CNTN5: variants seen among roughly 807,000 people sequenced by gnomAD.
The protein encoded by CNTN5 is contactin 5, also known as contactin-5.
Under a neutral mutation model 129.1 loss-of-function variants are expected in CNTN5, and 77 were observed. The ratio of observed to expected loss-of-function variants is 0.60; its 90% CI spans 0.50 to 0.72. CNTN5 has a LOEUF of 0.72. Ranked by LOEUF, CNTN5 falls within the 30% of genes least tolerant of loss-of-function variation. The pLI is 0.00. For synonymous variants in CNTN5, 509 were observed against 465.6 expected (o/e 1.09, Z -1.20); for missense variants, 1,478 against 1,328.8 (o/e 1.11, Z -1.75).
chr11:100,082,935 T>A (rs751716196), intron 13 of CNTN5, among the ~76,000 whole-genome samples: 14 of 152,020 alleles, frequency 9.2e-5, no homozygotes, highest in Non-Finnish European at 1.5e-4. Flanking sequence ...TGCCAGCATC[T>A]CCTTCAAGTG....
intron 9 of CNTN5, among the ~76,000 whole-genome samples, chr11:100,028,343 CTA>C (rs766205933): frequency 1.6e-3 from 238 of 152,266 alleles, no homozygotes; most frequent in Middle Eastern, 3.4e-3. Flanking sequence ...TCTGCCACCT[CTA>C]TGACACCAAA....
intron 2 of CNTN5, among the ~76,000 whole-genome samples, chr11:99,342,684 T>C (rs950203640): frequency 6.8e-6 from 1 of 148,104 alleles, no homozygotes; most frequent in African/African-American, 2.5e-5. Context: ...GTTGTGGTGA[T>C]AGTACCACTG....
chr11:99,194,866 A>C (rs1043051895), intron 1 of CNTN5, among the ~76,000 whole-genome samples: 2 of 152,118 alleles, frequency 1.3e-5, no homozygotes, highest in African/African-American at 4.8e-5. Context: ...TGTCCTCCTA[A>C]AATGCTAGGA....
chr11:100,327,332 C>T (rs1426768575), intron 21 of CNTN5, among the ~76,000 whole-genome samples: 2 of 152,202 alleles, frequency 1.3e-5, no homozygotes, highest in Non-Finnish European at 2.9e-5. Context: ...ACGGATCACC[C>T]TCCACATCTG....
rs80258282 is a variant in CNTN5, at chr11:100,341,389, T to C, written c.3030+184T>C. ...GAAGCCAAGGCAGTCAAAATTAGTTTCAACTGCACAAGGCACAGAAAGGGA... is the reference window on the plus strand; with the variant it reads ...GAAGCCAAGGCAGTCAAAATTAGTTCCAACTGCACAAGGCACAGAAAGGGA... On this transcript the variant is annotated intron_variant, in intron 23 of 24. Transcript: ENST00000524871. Among the ~76,000 whole-genome samples, 596 of 152,280 alleles carry C rather than the reference T, an allele frequency of 3.9e-3. 6 individuals carry two copies. The highest frequency in any genetic ancestry group is 0.014 in the African/African-American group (580 of 41,562).
At chr11:99,373,203 C>T (rs1194866734) in intron 2 of CNTN5, among the ~76,000 whole-genome samples, 1 of 152,024 alleles carries the variant, frequency 6.6e-6, no homozygotes, top group Non-Finnish European at 1.5e-5. Context: ...GAACGAAACT[C>T]CATCTCATAT....
At chr11:99,136,886 A>G (rs748069792) in intron 1 of CNTN5, among the ~76,000 whole-genome samples, 8 of 152,134 alleles carry the variant, frequency 5.3e-5, no homozygotes, top group Non-Finnish European at 1.0e-4. Flanking sequence ...GTTCAGCATT[A>G]TATCATGACT....
At chr11:100,300,749 A>G (rs639564) in intron 20 of CNTN5, among the ~76,000 whole-genome samples, 131,657 of 151,534 alleles carry the variant, frequency 0.87, 57,256 homozygotes, top group South Asian at 0.95. Context: ...GGGAAGTGAA[A>G]AATCAAGTAA....
At chr11:100,231,843 G>C (rs1002826260) in intron 16 of CNTN5, among the ~76,000 whole-genome samples, 1 of 152,086 alleles carries the variant, frequency 6.6e-6, no homozygotes, top group Admixed American at 6.6e-5. Flanking sequence ...TTTTAAAGTC[G>C]GGTGGGAATT....
chr11:99,426,704 C>T (rs78291436), intron 2 of CNTN5, among the ~76,000 whole-genome samples: 52 of 152,238 alleles, frequency 3.4e-4, no homozygotes, highest in Middle Eastern at 3.4e-3. Context: ...CCTGCGTCCA[C>T]GTCTTCCATG....
At chr11:99,974,578 C>T (rs960869368) in intron 8 of CNTN5, among the ~76,000 whole-genome samples, 4 of 152,086 alleles carry the variant, frequency 2.6e-5, no homozygotes, top group Non-Finnish European at 5.9e-5. Flanking sequence ...CTCACTTCTG[C>T]AAGAAGGAAA....
At chr11:99,041,100 G>T (rs1269774591) in intron 1 of CNTN5, among the ~76,000 whole-genome samples, 2 of 152,052 alleles carry the variant, frequency 1.3e-5, no homozygotes. Flanking sequence ...AGCCTGGCCT[G>T]GCCTTTAATT....
chr11:99,430,996 CTGTT>C (rs1353847945), intron 2 of CNTN5, among the ~76,000 whole-genome samples: 2 of 97,096 alleles, frequency 2.1e-5, no homozygotes, highest in African/African-American at 6.4e-5. Flanking sequence ...TTTTTCCTGG[CTGTT>C]TTTTTTTTTT....
chr11:99,535,347 G>T (rs1434674136), intron 2 of CNTN5, among the ~76,000 whole-genome samples: 1 of 152,106 alleles, frequency 6.6e-6, no homozygotes, highest in East Asian at 1.9e-4. Context: ...TGAGAGAGAG[G>T]TAGATAAACA....
chr11:100,027,990 CTT>C (rs1941511955), intron 9 of CNTN5, among the ~76,000 whole-genome samples: 1 of 152,072 alleles, frequency 6.6e-6, no homozygotes, highest in Admixed American at 6.6e-5. Flanking sequence ...CTCTAAATGT[CTT>C]TATCTAACCA....
At chr11:99,860,279 T>C (rs1290364953) in intron 6 of CNTN5, among the ~76,000 whole-genome samples, 2 of 152,154 alleles carry the variant, frequency 1.3e-5, no homozygotes, top group Non-Finnish European at 2.9e-5. Flanking sequence ...TTTGACAGTT[T>C]CTTTTTTTTT....
chr11:100,185,390 G>A (rs1948268975), intron 13 of CNTN5, among the ~76,000 whole-genome samples: 1 of 151,954 alleles, frequency 6.6e-6, no homozygotes, highest in Non-Finnish European at 1.5e-5. Context: ...TCAGTACTCT[G>A]CAGTATACCC....
At chr11:99,259,647 G>A (rs1862538020) in intron 1 of CNTN5, among the ~76,000 whole-genome samples, 1 of 151,570 alleles carries the variant, frequency 6.6e-6, no homozygotes, top group East Asian at 1.9e-4. Flanking sequence ...GTTGAGTCTT[G>A]GTTTAAAGGA....
At chr11:99,811,142 T>G (rs2135518351) in intron 3 of CNTN5, among the ~76,000 whole-genome samples, 1 of 152,216 alleles carries the variant, frequency 6.6e-6, no homozygotes, top group Middle Eastern at 3.4e-3. Context: ...CCAGTAAAAC[T>G]TAACAGCATT....
Sources: allele counts gnomAD v4.1 joint callset (sites outside exome capture counted in the v4.1 genomes callset), GRCh38; gene constraint gnomAD v4.1.1; transcripts MANE v1.5; gene names NCBI Gene and HGNC (gene_info 2026-07-23, HGNC 2026-07-21).